The following TAF12 variants were observed in gnomAD, a reference collection of about 807,000 sequenced individuals.
TAF12 encodes TATA-box binding protein associated factor 12, also known as transcription initiation factor TFIID subunit 12.
In TAF12, 3 loss-of-function variants were observed where a neutral mutation model predicts 20.8. The ratio of observed to expected loss-of-function variants is 0.14; its 90% CI spans 0.07 to 0.37. The LOEUF is 0.37. Among genes scored for constraint, TAF12 ranks in the 10% least tolerant of loss-of-function variants. The pLI is 1.00. For missense variants in TAF12, 131 were observed against 197.9 expected (o/e 0.66, Z 2.03); for synonymous variants, 69 against 70.2 (o/e 0.98, Z 0.09).
chr1:28,637,441 C>T (rs952197675), intron 1 of TAF12, among the ~76,000 whole-genome samples: 9 of 151,984 alleles, frequency 5.9e-5, no homozygotes, highest in South Asian at 2.1e-4. Flanking sequence ...CCGAGGCAGG[C>T]GGATCACGAG....
intron 5 of TAF12, among the ~76,000 whole-genome samples, chr1:28,605,037 A>G (rs561619916): frequency 4.6e-5 from 7 of 152,266 alleles, no homozygotes; most frequent in Admixed American, 1.3e-4. Flanking sequence ...TGGTGTTGCA[A>G]TCAGCAACAA....
chr1:28,611,803 G>A (rs915017534), intron 4 of TAF12, among the ~76,000 whole-genome samples: 2 of 152,044 alleles, frequency 1.3e-5, no homozygotes, highest in African/African-American at 4.8e-5. Context: ...ATTTTGTTAA[G>A]GTAGCCCTAG....
At chr1:28,638,029 C>A (rs1667897520) in intron 1 of TAF12, among the ~76,000 whole-genome samples, 1 of 152,102 alleles carries the variant, frequency 6.6e-6, no homozygotes, top group African/African-American at 2.4e-5. Context: ...GAGATGGAGT[C>A]TCGCTCTGTC....
intron 1 of TAF12, among the ~76,000 whole-genome samples, chr1:28,628,829 T>G (rs1291311982): frequency 1.3e-5 from 2 of 152,208 alleles, no homozygotes; most frequent in Admixed American, 1.3e-4. Flanking sequence ...TCCCGGCACT[T>G]TGGGAGGCCA....
chr1:28,647,331 A>C (rs1668220202), upstream of TAF12, among the ~76,000 whole-genome samples: 1 of 151,904 alleles, frequency 6.6e-6, no homozygotes, highest in Non-Finnish European at 1.5e-5. Flanking sequence ...TCTGTCACCT[A>C]GGCTGGAGTG....
At chr1:28,643,266 C>T (rs1668102221), upstream of TAF12, 2 of 225,860 alleles carry the variant, frequency 8.9e-6, no homozygotes, top group Non-Finnish European at 1.5e-5. Context: ...GCAGCATGAG[C>T]GAGCTCTGCG....
At chr1:28,619,882 G>A (rs925030608) in intron 2 of TAF12, among the ~76,000 whole-genome samples, 1 of 151,426 alleles carries the variant, frequency 6.6e-6, no homozygotes, top group African/African-American at 2.4e-5. Context: ...TTGGGAGGAG[G>A]AGGTTGCAGT....
intron 1 of TAF12, among the ~76,000 whole-genome samples, chr1:28,623,340 G>A (rs1439792037): frequency 6.6e-6 from 1 of 152,042 alleles, no homozygotes; most frequent in Non-Finnish European, 1.5e-5. Flanking sequence ...TGACCAACAT[G>A]GAGAAACCCC....
intron 1 of TAF12, among the ~76,000 whole-genome samples, chr1:28,627,998 G>T (rs989729924): frequency 6.6e-6 from 1 of 151,648 alleles, no homozygotes; most frequent in Non-Finnish European, 1.5e-5. Context: ...TACAACTGTC[G>T]AACTCCTCCC....
chr1:28,632,087 T>C (rs1459353259), intron 1 of TAF12, among the ~76,000 whole-genome samples: 3 of 152,162 alleles, frequency 2.0e-5, no homozygotes, highest in African/African-American at 7.2e-5. Flanking sequence ...AATCCACATG[T>C]CCTTCAAATG....
At chr1:28,642,662 G>GA in intron 1 of TAF12, 2 of 985,294 alleles carry the variant, frequency 2.0e-6, no homozygotes, top group Non-Finnish European at 2.4e-6. Flanking sequence ...TACCTCTCCG[G>GA]AGCCTGTGTC....
intron 3 of TAF12, among the ~76,000 whole-genome samples, chr1:28,614,449 C>CA (rs1222600595): frequency 1.3e-5 from 2 of 151,572 alleles, no homozygotes; most frequent in Non-Finnish European, 2.9e-5. Flanking sequence ...TTTGGAAGGC[C>CA]AAGGCAGGTG....
At chr1:28,644,881 TG>T (rs1232787413), upstream of TAF12, among the ~76,000 whole-genome samples, 2 of 152,164 alleles carry the variant, frequency 1.3e-5, no homozygotes, top group Non-Finnish European at 2.9e-5. Flanking sequence ...GGGAAGGTGT[TG>T]GAAGAACGGT....
At chr1:28,611,447 G>T (rs1207617811) in intron 4 of TAF12, among the ~76,000 whole-genome samples, 1 of 152,072 alleles carries the variant, frequency 6.6e-6, no homozygotes, top group Non-Finnish European at 1.5e-5. Flanking sequence ...TTGGAAATAG[G>T]GATGTTGCAG....
chr1:28,616,344 C>A (rs980129581), intron 3 of TAF12, among the ~76,000 whole-genome samples: 1 of 148,430 alleles, frequency 6.7e-6, no homozygotes, highest in African/African-American at 2.5e-5. Flanking sequence ...TGCAGTGAGC[C>A]GATATCGCAC....
chr1:28,603,588 C>T lies in TAF12; in HGVS notation c.451-14G>A, dbSNP rs1455378948. ...CAATGCCATTCTCTGAAAGGAGAGA[C>T]AAATAAGCAGTTATACAGCAGCAGC... is the stretch of plus-strand genomic sequence containing the variant. On this transcript the variant is annotated splice_polypyrimidine_tract_variant and intron_variant, in intron 5 of 5. Coordinates refer to ENST00000373824, the MANE Select transcript of TAF12 (RefSeq NM_005644.4). 4 of 1,613,666 alleles carry T rather than the reference C, an allele frequency of 2.5e-6. No homozygotes were observed. The highest frequency in any genetic ancestry group is 1.6e-4 in the Middle Eastern group (1 of 6,062).
At chr1:28,630,641 G>C (rs1046076842) in intron 1 of TAF12, among the ~76,000 whole-genome samples, 3 of 152,034 alleles carry the variant, frequency 2.0e-5, no homozygotes, top group Non-Finnish European at 2.9e-5. Flanking sequence ...CATGACTTCG[G>C]GTTAGTCAGA....
chr1:28,641,251 G>A (rs1668022248), intron 1 of TAF12, among the ~76,000 whole-genome samples: 1 of 152,224 alleles, frequency 6.6e-6, no homozygotes, highest in Non-Finnish European at 1.5e-5. Flanking sequence ...GGAGGCTGAG[G>A]CGGGCGGATC....
chr1:28,635,584 C>A (rs1440026120), intron 1 of TAF12, among the ~76,000 whole-genome samples: 6 of 150,228 alleles, frequency 4.0e-5, no homozygotes, highest in Admixed American at 4.0e-4. Context: ...GGATTACAGG[C>A]ATGAGCCACT....
Sources: allele counts gnomAD v4.1 joint callset (sites outside exome capture counted in the v4.1 genomes callset), GRCh38; gene constraint gnomAD v4.1.1; transcripts MANE v1.5; gene names NCBI Gene and HGNC (gene_info 2026-07-23, HGNC 2026-07-21).